HERC2: variants seen among roughly 807,000 people sequenced by gnomAD.
HERC2 encodes the protein HECT and RLD domain containing E3 ubiquitin protein ligase 2.
HERC2 carries 102 observed loss-of-function variants against 537.7 expected under a neutral mutation model. That is an observed-to-expected ratio of 0.19 (90% CI 0.16 to 0.22). The LOEUF (loss-of-function observed/expected upper bound fraction) is 0.22. HERC2 is among the 10% of genes least tolerant of loss of function. The pLI, the probability that HERC2 is intolerant of heterozygous loss-of-function variation, is 1.00. For missense variants in HERC2, 4,236 were observed against 6,198.2 expected (o/e 0.68, Z 10.63); for synonymous variants, 2,224 against 2,466.2 (o/e 0.90, Z 2.91).
At chr15:28,241,486 C>A (rs1293625903) in intron 23 of HERC2, among the ~76,000 whole-genome samples, 1 of 152,066 alleles carries the variant, frequency 6.6e-6, no homozygotes, top group African/African-American at 2.4e-5. Flanking sequence ...TATAAAATTA[C>A]CATATAATCT....
chr15:28,208,535 T>C (rs1898738829), intron 44 of HERC2, among the ~76,000 whole-genome samples: 1 of 152,228 alleles, frequency 6.6e-6, no homozygotes, highest in East Asian at 1.9e-4. Context: ...ATGCTTACCA[T>C]GTGGCCCCTA....
chr15:28,199,445 T>C (rs1390629765), intron 48 of HERC2, among the ~76,000 whole-genome samples: 1 of 152,220 alleles, frequency 6.6e-6, no homozygotes, highest in Non-Finnish European at 1.5e-5. Flanking sequence ...TCTTTATACA[T>C]ATCAGAACAC....
At chr15:28,164,155 G>A (rs1179422688) in intron 68 of HERC2, among the ~76,000 whole-genome samples, 1 of 152,220 alleles carries the variant, frequency 6.6e-6, no homozygotes, top group Non-Finnish European at 1.5e-5. Context: ...TCCCCAGGCA[G>A]AGTCTGGCTC....
chr15:28,252,696 T>C (rs2075122384), intron 20 of HERC2, among the ~76,000 whole-genome samples: 1 of 152,234 alleles, frequency 6.6e-6, no homozygotes, highest in South Asian at 2.1e-4. Flanking sequence ...AGTTTAGTTC[T>C]CTTTATTTCC....
intron 10 of HERC2, among the ~76,000 whole-genome samples, chr15:28,270,327 A>G (rs2140983740): frequency 6.6e-6 from 1 of 151,850 alleles, no homozygotes; most frequent in South Asian, 2.1e-4. Context: ...ATATAATTAT[A>G]CTGTCACTAC....
chr15:28,141,864 G>C lies in HERC2; in HGVS notation c.11701-18C>G. On this transcript the variant is annotated intron_variant, in intron 76 of 92. Transcript: ENST00000261609. ...TTAGCCACCTAAACAAAATTATTAT[G>C]ATGTTACAAATCAAACACTTATCTC... 1 of 1,563,332 alleles carries C rather than the reference G, an allele frequency of 6.4e-7. No homozygotes were observed. Among genetic ancestry groups the C allele is most frequent in the Non-Finnish European group, 8.8e-7 (1 of 1,134,374 alleles).
intron 69 of HERC2, among the ~76,000 whole-genome samples, chr15:28,154,949 T>C (rs949648554): frequency 2.3e-5 from 3 of 128,798 alleles, no homozygotes; most frequent in African/African-American, 9.2e-5. Flanking sequence ...TGGTGTGTGA[T>C]GTTCCCCTTC....
At chr15:28,150,612 A>G (rs1892347247) in intron 70 of HERC2, among the ~76,000 whole-genome samples, 1 of 151,588 alleles carries the variant, frequency 6.6e-6, no homozygotes, top group Non-Finnish European at 1.5e-5. Flanking sequence ...ACGAACGTAC[A>G]TTCTAGTGAA....
At chr15:28,235,962 G>A (rs1421623755) in intron 26 of HERC2, among the ~76,000 whole-genome samples, 1 of 152,184 alleles carries the variant, frequency 6.6e-6, no homozygotes, top group African/African-American at 2.4e-5. Context: ...TGGTTACAAA[G>A]GCTGCCATCC....
chr15:28,147,266 G>T (rs1204670973), intron 70 of HERC2, among the ~76,000 whole-genome samples: 1 of 152,132 alleles, frequency 6.6e-6, no homozygotes, highest in African/African-American at 2.4e-5. Flanking sequence ...TTTCGTCTAG[G>T]AAAAGGCTGA....
At chr15:28,163,028 TG>T (rs1407216648) in intron 69 of HERC2, 65 bp downstream of exon 69, 2 of 1,344,896 alleles carry the variant, frequency 1.5e-6, no homozygotes, top group Non-Finnish European at 2.1e-6. Flanking sequence ...AGCTCTCCTT[TG>T]GAGAGGAGGG....
At chr15:28,190,871 G>A in intron 55 of HERC2, 94 bp downstream of exon 55, 1 of 799,748 alleles carries the variant, frequency 1.3e-6, no homozygotes, top group Non-Finnish European at 2.2e-6. Context: ...TTTAAACGGG[G>A]AAAAACTGGG....
Position 28,113,250 on chromosome 15 carries a change from G to A in HERC2, c.14053C>T (p.Leu4685Phe), listed in dbSNP as rs1171773826. ...CCTTTATAGGTGGCCACCGACTTGA[G>A]AAGGTGCAGCGGGATGTCAGGGCTG... ...CGSPDIPLHLLKSVATYKGIE... is the reference protein window; with the variant it reads ...CGSPDIPLHLFKSVATYKGIE... The change falls in exon 92 of 93, where the codon CTC (leucine) becomes TTC (phenylalanine). Residue 4685 changes from leucine to phenylalanine, a missense_variant. By Grantham distance (22) the Leu-to-Phe change is conservative. Around this residue, in one of 27 missense-constraint regions of HERC2, gnomAD observed 313 missense variants for 462.6 expected, o/e 0.68. Transcript: ENST00000261609. This position sits in a 1 kb window ranked among gnomAD's most constrained non-coding sequence, Gnocchi z 7.0. 2 of 1,614,034 alleles carry A rather than the reference G, an allele frequency of 1.2e-6. No homozygotes were observed. The highest frequency in any genetic ancestry group is 1.7e-6 in the Non-Finnish European group (2 of 1,180,042).
At chr15:28,123,846 G>A (rs762843717) in intron 85 of HERC2, among the ~76,000 whole-genome samples, 191 bp downstream of exon 85, 1 of 152,198 alleles carries the variant, frequency 6.6e-6, no homozygotes, top group Non-Finnish European at 1.5e-5. Context: ...CTCCAAAAGG[G>A]AACAGATTTT....
At chr15:28,259,969 C>CAAA (rs35995546) in intron 16 of HERC2, among the ~76,000 whole-genome samples, 19 of 67,472 alleles carry the variant, frequency 2.8e-4, no homozygotes, top group East Asian at 1.4e-3. Context: ...CTCCATCTGG[C>CAAA]AAAAAAAAAA....
rs1898316186 is a variant in HERC2, at chr15:28,205,286, T to TGCAGGGAGCACGTGCACCGCCCCACGG, written c.7212+953_7212+954insCCGTGGGGCGGTGCACGTGCTCCCTGC. ...CACACTCGGCATCTCCCAGCATGACTGCTCTCAAGTTGCTCAGCGTCTTCT... is the reference window on the plus strand; with the variant it reads ...CACACTCGGCATCTCCCAGCATGACTGCAGGGAGCACGTGCACCGCCCCACGGGCTCTCAAGTTGCTCAGCGTCTTCT... On this transcript the variant is annotated intron_variant, in intron 45 of 92. Transcript: ENST00000261609. Among the ~76,000 whole-genome samples, 3 of 25,274 alleles carry TGCAGGGAGCACGTGCACCGCCCCACGG rather than the reference T, an allele frequency of 1.2e-4. 1 individual carries two copies. The highest frequency in any genetic ancestry group is 4.4e-4 in the Admixed American group (1 of 2,280). The allele number at this position is 25,274 out of a possible 152,430, so 16.6% of individuals were successfully genotyped here. A position where few individuals can be genotyped will look rare whatever the true frequency, so the allele number is the denominator to read the frequency against.
chr15:28,185,373 G>T (rs990241655), intron 56 of HERC2, among the ~76,000 whole-genome samples: 1 of 152,104 alleles, frequency 6.6e-6, no homozygotes, highest in African/African-American at 2.4e-5. Flanking sequence ...CTGTCTGGAG[G>T]GCCCCGGTCA....
chr15:28,244,304 C>T (rs1035577040), intron 23 of HERC2, among the ~76,000 whole-genome samples: 13 of 152,020 alleles, frequency 8.6e-5, no homozygotes, highest in South Asian at 2.1e-4. Context: ...AACTCAATAA[C>T]GGGGTGAAGC....
At chr15:28,301,418 CAA>C (rs796128116) in intron 2 of HERC2, among the ~76,000 whole-genome samples, 1 of 135,320 alleles carries the variant, frequency 7.4e-6, no homozygotes, top group Non-Finnish European at 1.6e-5. Flanking sequence ...TTACCTCAAA[CAA>C]AAAAAAAAAG....
Sources: allele counts gnomAD v4.1 joint callset (sites outside exome capture counted in the v4.1 genomes callset), GRCh38; gene constraint gnomAD v4.1.1; regional missense constraint gnomAD v4.1.1; non-coding constraint Gnocchi (gnomAD v3.1); transcripts MANE v1.5; gene names NCBI Gene and HGNC (gene_info 2026-07-23, HGNC 2026-07-21).